The following COBL variants were observed in gnomAD, a reference collection of about 807,000 sequenced individuals.
The protein encoded by COBL is protein cordon-bleu.
Under a neutral mutation model 98.8 loss-of-function variants are expected in COBL, and 51 were observed. The observed-to-expected ratio is 0.52, with a 90% CI of 0.41 to 0.65. COBL has a LOEUF of 0.65. Among genes scored for constraint, COBL ranks in the 30% least tolerant of loss-of-function variants. The pLI is 0.00. For synonymous variants in COBL, 634 were observed against 651.7 expected (o/e 0.97, Z 0.41); for missense variants, 1,617 against 1,617.5 (o/e 1.00, Z 0.01).
At chr7:51,084,943 G>A (rs754518113) in intron 7 of COBL, among the ~76,000 whole-genome samples, 17 of 151,974 alleles carry the variant, frequency 1.1e-4, no homozygotes, top group Middle Eastern at 3.4e-3. Context: ...CCCTTCCACC[G>A]TCCCCCGCCT....
intron 2 of COBL, among the ~76,000 whole-genome samples, chr7:51,204,124 ACATAAT>A (rs1160701482): frequency 1.3e-5 from 2 of 152,220 alleles, no homozygotes; most frequent in African/African-American, 4.8e-5. Context: ...CATAGAAACT[ACATAAT>A]CATCTCAATG....
At chr7:51,062,743 A>G (rs1791510899) in intron 7 of COBL, among the ~76,000 whole-genome samples, 1 of 152,206 alleles carries the variant, frequency 6.6e-6, no homozygotes, top group East Asian at 1.9e-4. Context: ...GGAAGCTCTC[A>G]GCCTGCCATC....
chr7:51,230,888 A>G (rs549685287), intron 1 of COBL, among the ~76,000 whole-genome samples: 2 of 152,158 alleles, frequency 1.3e-5, no homozygotes, highest in African/African-American at 2.4e-5. Flanking sequence ...CAGTGAGTGA[A>G]TGAATGGAGT....
At chr7:51,243,188 A>G (rs958157910) in intron 1 of COBL, among the ~76,000 whole-genome samples, 1 of 152,228 alleles carries the variant, frequency 6.6e-6, no homozygotes, top group Non-Finnish European at 1.5e-5. Context: ...GGTGGGGGCT[A>G]TTCTGGACGC....
chr7:51,249,734 A>G (rs1440261710), intron 1 of COBL, among the ~76,000 whole-genome samples: 1 of 152,176 alleles, frequency 6.6e-6, no homozygotes, highest in African/African-American at 2.4e-5. Context: ...TGCTGCCAGG[A>G]GCCACCAGAC....
chr7:51,213,524 C>G (rs1399716296), intron 2 of COBL, among the ~76,000 whole-genome samples: 2 of 152,136 alleles, frequency 1.3e-5, no homozygotes, highest in African/African-American at 4.8e-5. Context: ...CACTGCACTA[C>G]AGGCAGTTCG....
Position 51,028,696 on chromosome 7 carries a change from C to A in COBL, c.2400G>T (p.Thr800=). Residue 800 remains threonine, a synonymous_variant, in exon 10 of 13, where the codon ACG becomes ACT. Coordinates refer to ENST00000265136, the MANE Select transcript of COBL (RefSeq NM_015198.5). ...CTTGGAGTCTGCTCTCTGGATTCTG[C>A]GTCTGCGTGGGCACAGGGGTGGAGG... ...GPPSTPVPTQ[T]QNPESRLQAD... 1 of 1,613,252 alleles carries A rather than the reference C, an allele frequency of 6.2e-7. No homozygotes were observed. Among genetic ancestry groups the A allele is most frequent in the Non-Finnish European group, 8.5e-7 (1 of 1,179,560 alleles).
chr7:51,066,069 G>C (rs1182910391), intron 7 of COBL, among the ~76,000 whole-genome samples: 2 of 152,222 alleles, frequency 1.3e-5, no homozygotes, highest in Non-Finnish European at 2.9e-5. Flanking sequence ...AGCCCTAGCA[G>C]ACTAACATAT....
At chr7:51,147,248 C>T (rs1345815270) in intron 5 of COBL, among the ~76,000 whole-genome samples, 3 of 152,220 alleles carry the variant, frequency 2.0e-5, no homozygotes, top group African/African-American at 7.2e-5. Flanking sequence ...CTAAGCCCTT[C>T]CTTGTCCTAG....
At chr7:51,109,368 G>GCAT (rs1436658949) in intron 6 of COBL, among the ~76,000 whole-genome samples, 3 of 152,182 alleles carry the variant, frequency 2.0e-5, no homozygotes, top group East Asian at 3.9e-4. Flanking sequence ...AACTGGTTCT[G>GCAT]CATCATCATC....
At chr7:51,117,494 C>T (rs1797381935) in intron 6 of COBL, among the ~76,000 whole-genome samples, 1 of 152,020 alleles carries the variant, frequency 6.6e-6, no homozygotes, top group Non-Finnish European at 1.5e-5. Context: ...TTGGGCCCAT[C>T]AGTGAAATTT....
At position 51,136,172 on chromosome 7, in the gene COBL, T is replaced by C. The variant is rs1400732465; in HGVS notation, c.943A>G (p.Lys315Glu). Residue 315 changes from lysine (K) to glutamate (E), a missense_variant, in exon 6 of 13, where the codon AAG becomes GAG. By Grantham distance (56) the Lys-to-Glu change is moderately conservative. Transcript: ENST00000265136. The stretch of plus-strand genomic sequence containing the variant: ...CACTGCCCTACCTTTTCCGATGCCT[T>C]GTCTTGCACAGGTGGCCCTGAACCT... ...PPGSGPPVQD[K>E]ASEKVSLGSQ... The C allele has an allele frequency of 6.2e-7, 1 of 1,611,728 alleles. No homozygotes were observed. Among genetic ancestry groups the C allele is most frequent in the Non-Finnish European group, 8.5e-7 (1 of 1,179,752 alleles).
At chr7:51,309,161 CT>C (rs1802774243) in intron 1 of COBL, among the ~76,000 whole-genome samples, 2 of 152,180 alleles carry the variant, frequency 1.3e-5, no homozygotes, top group African/African-American at 4.8e-5. Context: ...CTGATCCCCC[CT>C]GCCTCCAAGC....
At chr7:51,109,629 A>G (rs894283545) in intron 6 of COBL, among the ~76,000 whole-genome samples, 2 of 151,980 alleles carry the variant, frequency 1.3e-5, no homozygotes, top group Non-Finnish European at 2.9e-5. Context: ...GTCAGTTACC[A>G]CTGTGCTACC....
At chr7:51,270,420 C>A (rs150226965) in intron 1 of COBL, among the ~76,000 whole-genome samples, 2 of 152,182 alleles carry the variant, frequency 1.3e-5, no homozygotes, top group Non-Finnish European at 2.9e-5. Flanking sequence ...GTGCCCACTA[C>A]GTGCCAGGCA....
At chr7:51,031,074 A>G (rs191629505) in intron 8 of COBL, 165 bp from the exon 9 acceptor site, 3 of 619,218 alleles carry the variant, frequency 4.8e-6, no homozygotes, top group Non-Finnish European at 8.6e-6. Context: ...CAGATTGTTC[A>G]TGGGTGTGTG....
At chr7:51,274,668 T>C (rs1467797580) in intron 1 of COBL, among the ~76,000 whole-genome samples, 1 of 152,202 alleles carries the variant, frequency 6.6e-6, no homozygotes, top group Non-Finnish European at 1.5e-5. Context: ...GCTCAAAATG[T>C]CCTTTCCTAT....
chr7:51,082,871 A>G (rs544955098), intron 7 of COBL, among the ~76,000 whole-genome samples: 7 of 152,336 alleles, frequency 4.6e-5, no homozygotes, highest in African/African-American at 1.4e-4. Flanking sequence ...TTACCTGGTT[A>G]AATTCTCCAG....
intron 7 of COBL, among the ~76,000 whole-genome samples, chr7:51,063,572 G>A (rs1419236003): frequency 6.6e-6 from 1 of 152,236 alleles, no homozygotes; most frequent in African/African-American, 2.4e-5. Flanking sequence ...ATCTACAGAG[G>A]TCTGCAGACA....
Sources: allele counts gnomAD v4.1 joint callset (sites outside exome capture counted in the v4.1 genomes callset), GRCh38; gene constraint gnomAD v4.1.1; transcripts MANE v1.5; gene names NCBI Gene and HGNC (gene_info 2026-07-23, HGNC 2026-07-21).